Variants in EVL observed in about 807,000 individuals in gnomAD.
EVL encodes the protein Enah/Vasp-like.
Under a neutral mutation model 59.6 loss-of-function variants are expected in EVL, and 21 were observed. The observed-to-expected ratio is 0.35, with a 90% CI of 0.25 to 0.51. The LOEUF (loss-of-function observed/expected upper bound fraction) is 0.51, where lower values mean the gene tolerates loss of function less well. Among genes scored for constraint, EVL ranks in the 20% least tolerant of loss-of-function variants. The pLI, the probability that EVL is intolerant of heterozygous loss-of-function variation, is 0.97. For missense variants in EVL, 462 were observed against 546.6 expected (o/e 0.85, Z 1.54); for synonymous variants, 198 against 203.5 (o/e 0.97, Z 0.23).
At chr14:100,027,579 A>T (rs748059116) in intron 1 of EVL, among the ~76,000 whole-genome samples, 2 of 152,060 alleles carry the variant, frequency 1.3e-5, no homozygotes, top group Non-Finnish European at 2.9e-5. Context: ...CAAATGACAG[A>T]ATTTCATTTT....
chr14:100,086,840 G>A (rs1433825152), intron 2 of EVL, among the ~76,000 whole-genome samples: 2 of 152,204 alleles, frequency 1.3e-5, no homozygotes, highest in Non-Finnish European at 2.9e-5. Context: ...ACAGGATTGA[G>A]GATATCTCCC....
chr14:100,118,426 A>C (rs901888863), intron 3 of EVL, among the ~76,000 whole-genome samples: 5 of 152,270 alleles, frequency 3.3e-5, no homozygotes, highest in Non-Finnish European at 5.9e-5. Context: ...GAAAAGGTAC[A>C]ATACAAGGAC....
rs559903058 is a variant in EVL at position 100,085,543 on chromosome 14, C to A, written c.180+688C>A. Among the ~76,000 whole-genome samples the A allele has an allele frequency of 3.3e-5, 5 of 152,278 alleles. No homozygotes were observed. In the East Asian group the frequency reaches 9.6e-4, roughly 29 times the overall value. ...CTCTCTTCTTATAGATTGACAAGAG[C>A]ATTTATAGCAGTGAATTTAACAGAT... On this transcript the variant is annotated intron_variant, in intron 2 of 13. Coordinates refer to ENST00000392920, the MANE Select transcript of EVL (RefSeq NM_016337.3).
chr14:99,993,744 G>GT (rs1221053393), intron 1 of EVL, among the ~76,000 whole-genome samples: 2 of 140,434 alleles, frequency 1.4e-5, no homozygotes, highest in Non-Finnish European at 3.0e-5. Flanking sequence ...CCAGGCTGGA[G>GT]TGCAATGGCG....
chr14:100,050,745 ATT>A (rs11420567), intron 1 of EVL, among the ~76,000 whole-genome samples: 1 of 135,098 alleles, frequency 7.4e-6, no homozygotes, highest in African/African-American at 2.8e-5. Flanking sequence ...TGAGCTCATG[ATT>A]TTTTTTTTTT....
chr14:100,141,131 C>T (rs2140409419), intron 11 of EVL, 49 bp from the exon 12 acceptor site: 1 of 1,595,838 alleles, frequency 6.3e-7, no homozygotes, highest in Non-Finnish European at 8.6e-7. Context: ...GCCAGCTTTC[C>T]CCCACACCTG....
At chr14:100,128,823 T>G in intron 6 of EVL, 75 bp downstream of exon 6, 4 of 1,317,956 alleles carry the variant, frequency 3.0e-6, no homozygotes, top group Non-Finnish European at 4.3e-6. Context: ...CTTGTGTTCC[T>G]TCCCGCATCT....
chr14:100,076,674 G>A (rs986991205), intron 1 of EVL, among the ~76,000 whole-genome samples: 4 of 152,174 alleles, frequency 2.6e-5, no homozygotes, highest in Non-Finnish European at 4.4e-5. Flanking sequence ...AGCTCGGCTC[G>A]GCTGAGAAAA....
At chr14:100,041,351 T>A (rs1256218033) in intron 1 of EVL, among the ~76,000 whole-genome samples, 1 of 152,342 alleles carries the variant, frequency 6.6e-6, no homozygotes, top group South Asian at 2.1e-4. Flanking sequence ...CATCCCTGTT[T>A]ACTTCACAGC....
chr14:100,063,456 G>A (rs1230930102), upstream of EVL, among the ~76,000 whole-genome samples: 5 of 152,210 alleles, frequency 3.3e-5, no homozygotes, highest in African/African-American at 1.2e-4. Context: ...GATAATAAGT[G>A]TGTGTTGTTA....
intron 1 of EVL, among the ~76,000 whole-genome samples, chr14:100,013,650 C>T (rs901734670): frequency 1.3e-5 from 2 of 152,224 alleles, no homozygotes; most frequent in East Asian, 1.9e-4. Context: ...TATTTTTAGT[C>T]ATGTTCATAG....
intron 9 of EVL, 73 bp from the exon 10 acceptor site, chr14:100,137,505 G>T (rs1353385095): frequency 1.3e-6 from 2 of 1,496,206 alleles, no homozygotes; most frequent in Non-Finnish European, 1.9e-6. Context: ...TCCTGTTGGG[G>T]TGTTTAGGGG....
At chr14:100,067,678 A>G (rs996351750) in intron 1 of EVL, among the ~76,000 whole-genome samples, 39 of 152,212 alleles carry the variant, frequency 2.6e-4, no homozygotes, top group Non-Finnish European at 5.3e-4. Context: ...AGTGAGTGAT[A>G]GACCCAGGAC....
rs58938567 is a variant in EVL, at chr14:99,985,133, G to GTT, written c.5+13076_5+13077insTT. Among the ~76,000 whole-genome samples, 8 of 151,332 alleles carry GTT rather than the reference G, an allele frequency of 5.3e-5. No homozygotes were observed. The East Asian group carries it at 1.6e-3, about 30-fold the overall frequency. ...CATTTGCTTACATTTTTGCTTGACA[G>GTT]ATATATATATATTGAGTACCTACTA... On this transcript the variant is annotated intron_variant, in intron 1 of 13. Transcript: ENST00000402714.
intron 1 of EVL, among the ~76,000 whole-genome samples, chr14:99,990,415 T>C (rs2060867812): frequency 6.6e-6 from 1 of 152,226 alleles, no homozygotes; most frequent in African/African-American, 2.4e-5. Context: ...GTTAAGTATA[T>C]GCACATTGTT....
intron 1 of EVL, among the ~76,000 whole-genome samples, chr14:100,052,228 A>G (rs1222203236): frequency 6.6e-6 from 1 of 152,220 alleles, no homozygotes; most frequent in East Asian, 1.9e-4. Flanking sequence ...TTTCTGACAG[A>G]AAGTAAATCT....
At chr14:100,043,400 T>G (rs1472034795) in intron 1 of EVL, among the ~76,000 whole-genome samples, 12 of 144,436 alleles carry the variant, frequency 8.3e-5, no homozygotes, top group African/African-American at 3.1e-4. Context: ...ATAGACCGTC[T>G]GCACGCTGGA....
intron 1 of EVL, among the ~76,000 whole-genome samples, chr14:100,076,530 T>C (rs1235562830): frequency 1.3e-5 from 2 of 152,140 alleles, no homozygotes; most frequent in Admixed American, 1.3e-4. Context: ...CACAGGACCA[T>C]GATAATAGGG....
intron 2 of EVL, among the ~76,000 whole-genome samples, chr14:100,092,120 AT>A (rs1252795931): frequency 6.6e-6 from 1 of 152,054 alleles, no homozygotes; most frequent in Non-Finnish European, 1.5e-5. Flanking sequence ...GCACACACTT[AT>A]GTCCCAGCTA....
Sources: allele counts gnomAD v4.1 joint callset (sites outside exome capture counted in the v4.1 genomes callset), GRCh38; gene constraint gnomAD v4.1.1; transcripts MANE v1.5; gene names NCBI Gene and HGNC (gene_info 2026-07-23, HGNC 2026-07-21).